The following DOCK6 variants were observed in gnomAD, a reference collection of about 807,000 sequenced individuals.
DOCK6 encodes dedicator of cytokinesis 6, also known as dedicator of cytokinesis protein 6.
DOCK6 carries 167 observed loss-of-function variants against 230.3 expected under a neutral mutation model. The observed-to-expected ratio is 0.73, with a 90% confidence interval of 0.64 to 0.82. The LOEUF is 0.82. DOCK6 is among the 40% of genes least tolerant of loss of function. The pLI is 0.00. For synonymous variants in DOCK6, 1,148 were observed against 1,185.0 expected, an observed-to-expected ratio of 0.97 and a Z score of 0.64; for missense variants, 2,598 against 2,825.8, an observed-to-expected ratio of 0.92 and a Z score of 1.83.
In DOCK6 at chr19:11,243,205, G is replaced by A. The variant is rs1311493905; in HGVS notation, c.1386+53C>T. ...GGGCCAGGGGGCTAGGGGTCCCCAG[G>A]GCTAATGCAGCCAGCGGGGAGTGGG... is the stretch of plus-strand genomic sequence containing the variant. On this transcript the variant is annotated intron_variant, in intron 12 of 47. Transcript: ENST00000294618. This position sits in a 1 kb window ranked among gnomAD's most constrained non-coding sequence, Gnocchi z 6.3. 16 of 1,613,344 alleles carry A rather than the reference G, an allele frequency of 9.9e-6. No individual in the cohort carries two copies. Among genetic ancestry groups the A allele is most frequent in the Non-Finnish European group, 1.4e-5 (16 of 1,179,576 alleles).
rs368191221 is a variant in DOCK6, at chr19:11,243,661, G to A, written c.1154C>T (p.Thr385Ile). 6.8e-6 allele frequency: 11 copies of A among 1,613,020 alleles called. 1 individual carries two copies. The South Asian group carries it at 9.9e-5, about 14-fold the overall frequency. Residue 385 changes from threonine (T) to isoleucine (I), a missense_variant, in exon 11 of 48, where the codon ACC (threonine) becomes ATC (isoleucine). Thr to Ile is a moderately conservative substitution (Grantham distance 89). Transcript: ENST00000294618. This position sits in a 1 kb window ranked among gnomAD's most constrained non-coding sequence, Gnocchi z 6.3. ...GGGCATGCGGTAGCGGCCCAGGCGGGTGCAGAACTGCTCGGCCGCCAGGCG... is the reference window on the plus strand; with the variant it reads ...GGGCATGCGGTAGCGGCCCAGGCGGATGCAGAACTGCTCGGCCGCCAGGCG... The part of the protein sequence containing the change: ...KLRLAAEQFC[T>I]RLGRYRMPFA...
Position 11,209,099 on chromosome 19 carries a change from C to A in DOCK6, c.4756G>T (p.Ala1586Ser). The A allele has an allele frequency of 6.2e-7, 1 of 1,611,222 alleles. No individual in the cohort carries two copies. Among genetic ancestry groups the A allele is most frequent in the Non-Finnish European group, 8.5e-7 (1 of 1,179,142 alleles). The change falls in exon 38 of 48, where the codon GCC becomes TCC. Residue 1586 changes from alanine to serine, a missense_variant. Ala to Ser is a moderately conservative substitution (Grantham distance 99). Coordinates refer to ENST00000294618, the MANE Select transcript of DOCK6 (RefSeq NM_020812.4). ...EMLIDLMYRI[A>S]RGYQGSPDLR... is the part of the protein sequence containing the mutation. ...TCCGGTGAGCCCTGGTAGCCCCGGGCAATTCTGGAGTCCAGGTGAGGGGGG... is the reference window on the plus strand; with the variant it reads ...TCCGGTGAGCCCTGGTAGCCCCGGGAAATTCTGGAGTCCAGGTGAGGGGGG...
chr19:11,232,352 C>G, intron 22 of DOCK6: 2 of 1,225,830 alleles, frequency 1.6e-6, no homozygotes, highest in South Asian at 2.5e-5. Flanking sequence ...GCATGAAATA[C>G]CAAGCGTGGA....
Position 11,201,638 on chromosome 19 carries a change from T to G in DOCK6, c.5688+251A>C, listed in dbSNP as rs560432950. ...ATCTGGGCTCCCTCTGCCTCCTCTTTCTGGGTCTGGAATCCCTGGGCCACC... is the reference window on the plus strand; with the variant it reads ...ATCTGGGCTCCCTCTGCCTCCTCTTGCTGGGTCTGGAATCCCTGGGCCACC... On this transcript the variant is annotated intron_variant, in intron 44 of 47. Coordinates refer to ENST00000294618, the MANE Select transcript of DOCK6 (RefSeq NM_020812.4). The surrounding 1 kb of genome is among the most constrained non-coding windows in gnomAD (Gnocchi z 4.3). Among the ~76,000 whole-genome samples, 65 of 151,988 alleles carry G rather than the reference T, an allele frequency of 4.3e-4. No homozygotes were observed. The highest frequency in any genetic ancestry group is 8.1e-4 in the Non-Finnish European group (55 of 67,916).
rs773345225 is a variant in DOCK6 at position 11,235,654 on chromosome 19, G to T, written c.2498C>A (p.Ala833Asp). The T allele has an allele frequency of 6.2e-5, 100 of 1,603,298 alleles. No homozygotes were observed. The highest frequency in any genetic ancestry group is 8.3e-5 in the Non-Finnish European group (97 of 1,175,356). Residue 833 changes from alanine to aspartate, a missense_variant, in exon 21 of 48, where the codon GCT becomes GAT. Physicochemically the swap from Ala to Asp is moderately radical, Grantham distance 126. Transcript: ENST00000294618. ...GCGAAAGGCGTAGTGGACGTAGGCA[G>T]CCAGCTGTGGGCAGTGACCGCGGGC... is the stretch of plus-strand genomic sequence containing the variant. The part of the protein sequence containing the change: ...QDARGHCPQL[A>D]AYVHYAFRLP...
Position 11,216,983 on chromosome 19 carries a change from G to A in DOCK6, c.3825C>T (p.Asp1275=). ...GACGTCCCAGCTGGGGGAGTGTCAG[G>A]TCAGTGGCCCAGCGCTGCAGGAGCG... The part of the protein sequence containing the change: ...EPALLQRWAT[D]LTLPQLGRLL... The change falls in exon 30 of 48, where the codon GAC becomes GAT. Residue 1275 remains aspartate (D), a synonymous_variant. Transcript: ENST00000294618. 6.2e-7 allele frequency: 1 copy of A among 1,613,718 alleles called. No homozygotes were observed. Among genetic ancestry groups the A allele is most frequent in the Non-Finnish European group, 8.5e-7 (1 of 1,179,896 alleles).
At chr19:11,208,649 G>C in intron 39 of DOCK6, 37 bp downstream of exon 39, 8 of 1,589,294 alleles carry the variant, frequency 5.0e-6, no homozygotes, top group Non-Finnish European at 6.9e-6. Context: ...TCCCTGGCCC[G>C]AGCCCCCTCT....
intron 23 of DOCK6, 148 bp downstream of exon 23, chr19:11,228,792 G>A: frequency 1.6e-6 from 1 of 643,350 alleles, no homozygotes; most frequent in Non-Finnish European, 2.7e-6. Flanking sequence ...TCGATCTCCT[G>A]ACCTCGTGAT....
rs1600855456 is a variant in DOCK6, at chr19:11,208,718, A to C, written c.5056T>G (p.Leu1686Val). 1 of 1,613,006 alleles carries C rather than the reference A, an allele frequency of 6.2e-7. No homozygotes were observed. Among genetic ancestry groups the C allele is most frequent in the South Asian group, 1.1e-5 (1 of 91,072 alleles). Residue 1686 changes from leucine to valine, a missense_variant, in exon 39 of 48, where the codon TTG becomes GTG. Transcript: ENST00000294618. ...AAGTAGCCGGCTGCCTGTTCCAGCAACCCTACCAGCCCCAGCTCAGTGAAG... is the reference window on the plus strand; with the variant it reads ...AAGTAGCCGGCTGCCTGTTCCAGCACCCCTACCAGCCCCAGCTCAGTGAAG... The part of the protein sequence containing the change: ...KHFTELGLVG[L>V]LEQAAGYFTM...
intron 37 of DOCK6, 43 bp from the exon 38 acceptor site, chr19:11,209,146 G>A (rs372104571): frequency 1.3e-6 from 2 of 1,570,768 alleles, no homozygotes. Flanking sequence ...GGACTCACCT[G>A]GTCCTCCCCA....
intron 23 of DOCK6, among the ~76,000 whole-genome samples, chr19:11,228,011 CTTT>C (rs886573859): frequency 2.2e-5 from 3 of 134,854 alleles, no homozygotes; most frequent in Admixed American, 7.6e-5. Flanking sequence ...AGCTTTCCCT[CTTT>C]TTTTTTTTTT....
Position 11,235,589 on chromosome 19 carries a change from C to A in DOCK6, c.2554+9G>T. 3 of 1,576,212 alleles carry A rather than the reference C, an allele frequency of 1.9e-6. No individual in the cohort carries two copies. The highest frequency in any genetic ancestry group is 2.6e-6 in the Non-Finnish European group (3 of 1,156,450). On this transcript the variant is annotated intron_variant, in intron 21 of 47. Transcript: ENST00000294618. ...ATTTCTCGTCTCACAGGGATTTCTACAAACTCACCATCCGGGAGGCTGGGC... is the reference window on the plus strand; with the variant it reads ...ATTTCTCGTCTCACAGGGATTTCTAAAAACTCACCATCCGGGAGGCTGGGC...
In DOCK6 at chr19:11,243,020, T is replaced by C. The variant is rs1568254886; in HGVS notation, c.1480+39A>G. On this transcript the variant is annotated intron_variant, in intron 13 of 47. Transcript: ENST00000294618. This position sits in a 1 kb window ranked among gnomAD's most constrained non-coding sequence, Gnocchi z 6.3. Reference sequence around the variant, plus strand: ...AGTGTAGGTTTGTTGAGTGGCTGAGTGAGAGTGATACTTCTTGTGTATGGG... The same window carrying C: ...AGTGTAGGTTTGTTGAGTGGCTGAGCGAGAGTGATACTTCTTGTGTATGGG... 12 of 1,609,322 alleles carry C rather than the reference T, an allele frequency of 7.5e-6. No homozygotes were observed. The highest frequency in any genetic ancestry group is 1.0e-5 in the Non-Finnish European group (12 of 1,177,276).
At chr19:11,257,482 T>TAAAAAAAA (rs35933920) in intron 1 of DOCK6, among the ~76,000 whole-genome samples, 1 of 78,604 alleles carries the variant, frequency 1.3e-5, no homozygotes, top group Non-Finnish European at 2.3e-5. Context: ...CACTGTCTCT[T>TAAAAAAAA]AAAAAAAAAA....
In DOCK6 at chr19:11,210,806, C is replaced by T. The variant is rs574800277; in HGVS notation, c.4751+970G>A. Among the ~76,000 whole-genome samples, 3 of 151,028 alleles carry T rather than the reference C, an allele frequency of 2.0e-5. No individual in the cohort carries two copies. In the East Asian group the frequency reaches 5.9e-4, roughly 30 times the overall value. On this transcript the variant is annotated intron_variant, in intron 37 of 47. Coordinates refer to ENST00000294618, the MANE Select transcript of DOCK6 (RefSeq NM_020812.4). ...CTGTCTCCTTATCTGTCCACCTCCTCACCTGTTCATCTTCTCATCTGGCCA... is the reference window on the plus strand; with the variant it reads ...CTGTCTCCTTATCTGTCCACCTCCTTACCTGTTCATCTTCTCATCTGGCCA...
intron 24 of DOCK6, 40 bp downstream of exon 24, chr19:11,227,297 C>T: frequency 6.2e-7 from 1 of 1,605,168 alleles, no homozygotes; most frequent in South Asian, 1.1e-5. Context: ...CTATGTCCTC[C>T]CTCAGGTTTC....
At chr19:11,240,440 TCCTTTTGTGTGCCTCAGTTTC>T (rs2079925148) in intron 14 of DOCK6, 6 of 824,340 alleles carry the variant, frequency 7.3e-6, no homozygotes, top group African/African-American at 1.7e-5. Context: ...AAAACTCAAG[TCCTTTTGTGTGCCTCAGTTTC>T]CCTTTTGTGT....
In DOCK6 at chr19:11,201,041, C is replaced by T. The variant is rs142270471; in HGVS notation, c.5700G>A (p.Thr1900=). 1.2e-3 allele frequency: 1,889 copies of T among 1,613,720 alleles called. 25 individuals carry two copies. In the African/African-American group the frequency reaches 0.022, roughly 18 times the overall value. ...TGTCCTCGATGGCCACCTCCACTGGCGTCAGCACCGTCTGTGGGGTAAGGG... is the reference window on the plus strand; with the variant it reads ...TGTCCTCGATGGCCACCTCCACTGGTGTCAGCACCGTCTGTGGGGTAAGGG... The part of the protein sequence containing the change: ...RVCHREETVL[T]PVEVAIEDMQ... The change falls in exon 45 of 48, where the codon ACG becomes ACA. Residue 1900 remains threonine (T), a synonymous_variant. Transcript: ENST00000294618. This position sits in a 1 kb window ranked among gnomAD's most constrained non-coding sequence, Gnocchi z 4.3.
intron 7 of DOCK6, among the ~76,000 whole-genome samples, chr19:11,247,024 G>C (rs558869398): frequency 1.2e-4 from 18 of 152,290 alleles, no homozygotes; most frequent in African/African-American, 4.1e-4. Context: ...AGGACTCTAG[G>C]CACTTTCAGC....
Sources: allele counts gnomAD v4.1 joint callset (sites outside exome capture counted in the v4.1 genomes callset), GRCh38; gene constraint gnomAD v4.1.1; non-coding constraint Gnocchi (gnomAD v3.1); transcripts MANE v1.5; gene names NCBI Gene and HGNC (gene_info 2026-07-23, HGNC 2026-07-21).